Variants in NEXMIF observed in about 807,000 individuals in gnomAD.
The protein encoded by NEXMIF is neurite extension and migration factor, also known as XLMR protein related to neurite extension.
NEXMIF carries 8 observed loss-of-function variants against 62.1 expected under a neutral mutation model. The observed-to-expected ratio is 0.13, with a 90% CI of 0.08 to 0.23. The LOEUF (loss-of-function observed/expected upper bound fraction) is 0.23. Ranked by LOEUF, NEXMIF falls within the 10% of genes least tolerant of loss-of-function variation. The probability of loss-of-function intolerance (pLI) is 1.00; values close to 1 mark genes in which losing one functional copy is unlikely to be tolerated. For missense variants in NEXMIF, 976 were observed against 1,113.3 expected (o/e 0.88, Z 1.75); for synonymous variants, 404 against 416.6 (o/e 0.97, Z 0.37).
At chrX:74,802,560 T>C (rs190722641) in intron 1 of NEXMIF, among the ~76,000 whole-genome samples, 7 of 110,831 alleles carry the variant, frequency 6.3e-5, no homozygotes, top group Admixed American at 1.9e-4. Flanking sequence ...CTAAGTCCTT[T>C]TGAATATCTC....
intron 1 of NEXMIF, among the ~76,000 whole-genome samples, chrX:74,780,574 G>A (rs1299610099): frequency 1.4e-4 from 15 of 107,368 alleles, no homozygotes; most frequent in Admixed American, 1.2e-3. Context: ...ATGGGGTTTC[G>A]CTATGTTGCC....
Position 74,887,458 on chromosome X carries a change from C to T in NEXMIF, c.-48+37425G>A, listed in dbSNP as rs1602267459. ...TGAACTCAAATTTACAAGAAAAAAA[C>T]AAACAACCCCATCAAAAAGTGGGCG... On this transcript the variant is annotated intron_variant, in intron 1 of 3. Coordinates refer to ENST00000055682, the MANE Select transcript of NEXMIF (RefSeq NM_001008537.3). 3.6e-5 allele frequency among the ~76,000 whole-genome samples: 4 copies of T among 111,687 alleles called. No homozygotes were observed. In the Admixed American group the frequency reaches 3.8e-4, roughly 11 times the overall value.
intron 1 of NEXMIF, among the ~76,000 whole-genome samples, chrX:74,776,206 T>A (rs1347478028): frequency 9.0e-6 from 1 of 111,585 alleles, no homozygotes; most frequent in Non-Finnish European, 1.9e-5. Context: ...TGTTTGTGTG[T>A]CTGATATGCA....
At chrX:74,922,341 T>C (rs1330806550) in intron 1 of NEXMIF, among the ~76,000 whole-genome samples, 1 of 73,703 alleles carries the variant, frequency 1.4e-5, no homozygotes, top group Non-Finnish European at 2.3e-5. Flanking sequence ...GTTATGGGTG[T>C]GTGTGTGTGT....
intron 1 of NEXMIF, among the ~76,000 whole-genome samples, chrX:74,919,976 T>A (rs1037302288): frequency 3.6e-5 from 4 of 111,845 alleles, no homozygotes; most frequent in African/African-American, 6.5e-5. Flanking sequence ...TATAGCTGCA[T>A]AGTATTCCAT....
At chrX:74,896,968 T>C (rs749019485) in intron 1 of NEXMIF, among the ~76,000 whole-genome samples, 1 of 112,290 alleles carries the variant, frequency 8.9e-6, no homozygotes, top group Non-Finnish European at 1.9e-5. Context: ...TTCTAAGTTC[T>C]GGCTTGATCA....
At chrX:74,859,086 G>C (rs2080545995) in intron 1 of NEXMIF, among the ~76,000 whole-genome samples, 1 of 110,937 alleles carries the variant, frequency 9.0e-6, no homozygotes, top group Admixed American at 9.6e-5. Flanking sequence ...AAAGAGGTGA[G>C]GTAGAAAGTT....
Position 74,768,503 on chromosome X carries a change from C to A in NEXMIF, c.-47-22806G>T, listed in dbSNP as rs6647531. Among the ~76,000 whole-genome samples the A allele has an allele frequency of 0.075, 8,408 of 111,996 alleles. 1,229 individuals are homozygous for A. The East Asian group carries it at 0.9, about 12-fold the overall frequency. On this transcript the variant is annotated intron_variant, in intron 1 of 3. Coordinates refer to ENST00000055682, the MANE Select transcript of NEXMIF (RefSeq NM_001008537.3). ...TCTTCAGATCCTTAAAGAGCTATCA[C>A]AAAAGAGTGAAATGAAATGTGTTTA...
intron 1 of NEXMIF, among the ~76,000 whole-genome samples, chrX:74,840,891 G>A (rs2080471819): frequency 9.0e-6 from 1 of 111,703 alleles, no homozygotes; most frequent in Non-Finnish European, 1.9e-5. Context: ...TAGCCCTGTA[G>A]TATAGTTTGA....
intron 1 of NEXMIF, among the ~76,000 whole-genome samples, chrX:74,901,673 G>C (rs967256966): frequency 1.8e-5 from 2 of 111,326 alleles, no homozygotes; most frequent in Admixed American, 1.9e-4. Context: ...CCTGAAATGG[G>C]GGCTGTTCTA....
intron 1 of NEXMIF, among the ~76,000 whole-genome samples, chrX:74,842,825 G>T (rs2080478245): frequency 1.8e-5 from 2 of 112,174 alleles, no homozygotes; most frequent in Admixed American, 1.9e-4. Context: ...ATTGTGCTGT[G>T]GTCCTGAGAG....
At chrX:74,833,017 T>C (rs1226073998) in intron 1 of NEXMIF, among the ~76,000 whole-genome samples, 1 of 112,262 alleles carries the variant, frequency 8.9e-6, no homozygotes, top group African/African-American at 3.2e-5. Flanking sequence ...GCTTTAAGAG[T>C]TGTTTTGTGA....
intron 1 of NEXMIF, among the ~76,000 whole-genome samples, chrX:74,885,534 C>A (rs1274228179): frequency 8.9e-6 from 1 of 111,771 alleles, no homozygotes; most frequent in African/African-American, 3.2e-5. Flanking sequence ...CGCAAATAAA[C>A]TAGAAAATCT....
chrX:74,769,854 A>G (rs2080204787), intron 1 of NEXMIF: 2 of 362,071 alleles, frequency 5.5e-6, no homozygotes, highest in South Asian at 1.2e-4. Context: ...ATCAAGATAC[A>G]CTGTATGTAC....
intron 1 of NEXMIF, among the ~76,000 whole-genome samples, chrX:74,853,812 T>C (rs1487885821): frequency 1.8e-5 from 2 of 111,186 alleles, no homozygotes; most frequent in Admixed American, 9.6e-5. Flanking sequence ...CAACTATACA[T>C]TAACAAACTG....
At position 74,742,458 on chromosome X, in the gene NEXMIF, A is replaced by T. The variant is rs772671611; in HGVS notation, c.2099T>A (p.Val700Glu). 2.5e-6 allele frequency: 3 copies of T among 1,207,899 alleles called. No homozygotes were observed. In the East Asian group the frequency reaches 8.9e-5, roughly 36 times the overall value. The change falls in exon 3 of 4, where the codon GTG (valine) becomes GAG (glutamate). Residue 700 changes from valine (V) to glutamate (E), a missense_variant. Physicochemically the swap from Val to Glu is moderately radical, Grantham distance 121. This residue lies in a region of NEXMIF where 639 missense variants were observed against 694.5 expected (regional missense o/e 0.92). Coordinates refer to ENST00000055682, the MANE Select transcript of NEXMIF (RefSeq NM_001008537.3). ...CTCTGTGTCTTGGGCTTTGACTTTC[A>T]CTGAGTCAGGGCCTGTGATGTCATT... ...HLNDITGPDS[V>E]KVKAQDTEFK...
At chrX:74,887,535 C>A (rs1259832498) in intron 1 of NEXMIF, among the ~76,000 whole-genome samples, 1 of 112,364 alleles carries the variant, frequency 8.9e-6, no homozygotes, top group Admixed American at 9.4e-5. Flanking sequence ...AGCCAAAAAA[C>A]ACATGAAGAA....
intron 1 of NEXMIF, among the ~76,000 whole-genome samples, chrX:74,784,753 T>C (rs889679403): frequency 9.0e-6 from 1 of 111,181 alleles, no homozygotes; most frequent in Non-Finnish European, 1.9e-5. Context: ...GGCCAGCTCC[T>C]GGGAACTGAG....
chrX:74,825,139 C>T (rs1421434710), intron 1 of NEXMIF, among the ~76,000 whole-genome samples: 1 of 111,728 alleles, frequency 9.0e-6, no homozygotes, highest in Non-Finnish European at 1.9e-5. Context: ...CTTTCCCTAA[C>T]AATTAGCAAT....
Sources: allele counts gnomAD v4.1 joint callset (sites outside exome capture counted in the v4.1 genomes callset), GRCh38; gene constraint gnomAD v4.1.1; regional missense constraint gnomAD v4.1.1; transcripts MANE v1.5; gene names NCBI Gene and HGNC (gene_info 2026-07-23, HGNC 2026-07-21).